The following GPC5 variants were observed in gnomAD, a reference collection of about 807,000 sequenced individuals.
The protein encoded by GPC5 is glypican 5.
A neutral mutation model predicts 53.9 loss-of-function variants in GPC5; 47 were observed. The ratio of observed to expected loss-of-function variants is 0.87; its 90% CI spans 0.69 to 1.11. The LOEUF is 1.11. GPC5 is among the 50% of genes most tolerant of loss of function. GPC5 has a pLI of 0.00. For missense variants in GPC5, 748 were observed against 713.1 expected, an observed-to-expected ratio of 1.05 and a Z score of -0.56; for synonymous variants, 286 against 263.3, an observed-to-expected ratio of 1.09 and a Z score of -0.84.
intron 5 of GPC5, among the ~76,000 whole-genome samples, chr13:91,816,755 G>T (rs894904987): frequency 6.6e-6 from 1 of 152,126 alleles, no homozygotes; most frequent in Non-Finnish European, 1.5e-5. Flanking sequence ...CATTTTTAAA[G>T]CTGTGAAGGA....
chr13:91,961,579 G>A (rs973692563), intron 6 of GPC5, among the ~76,000 whole-genome samples: 2 of 151,940 alleles, frequency 1.3e-5, no homozygotes, highest in Admixed American at 1.3e-4. Flanking sequence ...AATGTTTGCA[G>A]GAGTTAGGAA....
At chr13:92,730,600 A>G (rs943656639) in intron 7 of GPC5, among the ~76,000 whole-genome samples, 3 of 144,730 alleles carry the variant, frequency 2.1e-5, no homozygotes, top group African/African-American at 7.4e-5. Context: ...TTTTCTTTTT[A>G]TTTCTTTTTT....
At chr13:92,502,208 A>G (rs1170708132) in intron 7 of GPC5, among the ~76,000 whole-genome samples, 1 of 152,050 alleles carries the variant, frequency 6.6e-6, no homozygotes, top group Non-Finnish European at 1.5e-5. Context: ...CATGTCTGCA[A>G]ATTATACAGT....
chr13:92,577,159 T>A (rs1883212818), intron 7 of GPC5, among the ~76,000 whole-genome samples: 1 of 152,160 alleles, frequency 6.6e-6, no homozygotes, highest in South Asian at 2.1e-4. Context: ...CAAATCCACA[T>A]CCTATCTGCC....
At chr13:92,797,364 A>G (rs942454918) in intron 7 of GPC5, among the ~76,000 whole-genome samples, 1 of 151,800 alleles carries the variant, frequency 6.6e-6, no homozygotes, top group Non-Finnish European at 1.5e-5. Flanking sequence ...ATCCCCATTA[A>G]CCTGTTTCTT....
chr13:91,651,231 C>T (rs1300166110), intron 2 of GPC5, among the ~76,000 whole-genome samples: 3 of 134,118 alleles, frequency 2.2e-5, no homozygotes, highest in African/African-American at 1.1e-4. Flanking sequence ...ATTACAGACA[C>T]ATTTTTTTTT....
rs544012975 is a variant in GPC5 at position 92,516,157 on chromosome 13, A to G, written c.1562-350125A>G. 2.6e-5 allele frequency among the ~76,000 whole-genome samples: 4 copies of G among 151,984 alleles called. No individual in the cohort carries two copies. In the South Asian group the frequency reaches 8.3e-4, roughly 32 times the overall value. On this transcript the variant is annotated intron_variant, in intron 7 of 7. Transcript: ENST00000377067. The stretch of plus-strand genomic sequence containing the variant: ...AGTACCATTTTGTTAGGTACAGCTA[A>G]TTTTTTTTCTACTTTTAAATATACA...
intron 5 of GPC5, among the ~76,000 whole-genome samples, chr13:91,759,213 C>T (rs920061905): frequency 6.6e-6 from 1 of 152,006 alleles, no homozygotes; most frequent in Admixed American, 6.6e-5. Flanking sequence ...AGTCATGACT[C>T]AGTCAATTCT....
chr13:91,933,083 A>AT (rs1318189013), intron 6 of GPC5, among the ~76,000 whole-genome samples: 4 of 151,898 alleles, frequency 2.6e-5, no homozygotes, highest in Non-Finnish European at 4.4e-5. Context: ...GTTTAGAAGC[A>AT]TTTTTTCAGA....
Position 92,336,267 on chromosome 13 carries a change from AATAC to A in GPC5, c.1561+191282_1561+191285del, listed in dbSNP as rs566231900. Reference sequence around the variant, plus strand: ...TAGTATAACAATTTGATTTAAAGTAAATACATATTTTCTAATCAGTAACTTATAA... The same window carrying A: ...TAGTATAACAATTTGATTTAAAGTAAATATTTTCTAATCAGTAACTTATAA... On this transcript the variant is annotated intron_variant, in intron 7 of 7. Coordinates refer to ENST00000377067, the MANE Select transcript of GPC5 (RefSeq NM_004466.6). 2.5e-3 allele frequency among the ~76,000 whole-genome samples: 387 copies of A among 152,334 alleles called. 3 individuals are homozygous for A. Among genetic ancestry groups the A allele is most frequent in the Non-Finnish European group, 4.9e-3 (334 of 68,024 alleles).
intron 7 of GPC5, among the ~76,000 whole-genome samples, chr13:92,752,833 G>A (rs964858467): frequency 6.6e-6 from 1 of 152,174 alleles, no homozygotes; most frequent in South Asian, 2.1e-4. Context: ...TGGCTCGGAG[G>A]GACCTACGCC....
intron 1 of GPC5, among the ~76,000 whole-genome samples, chr13:91,444,078 A>G (rs980094602): frequency 3.9e-5 from 6 of 152,136 alleles, no homozygotes; most frequent in South Asian, 2.1e-4. Flanking sequence ...TGTTGTCACT[A>G]TCTTTCAAAT....
chr13:92,764,528 G>T (rs1875318346), intron 7 of GPC5, among the ~76,000 whole-genome samples: 2 of 152,178 alleles, frequency 1.3e-5, no homozygotes, highest in Non-Finnish European at 2.9e-5. Flanking sequence ...AGGACTGTAG[G>T]TGTCCAAGGT....
chr13:91,583,258 A>G (rs1256904426), intron 2 of GPC5, among the ~76,000 whole-genome samples: 2 of 152,192 alleles, frequency 1.3e-5, no homozygotes, highest in Non-Finnish European at 2.9e-5. Flanking sequence ...GTTGGAAAGG[A>G]ACAAACAAAA....
intron 7 of GPC5, among the ~76,000 whole-genome samples, chr13:92,464,828 T>C (rs1878628198): frequency 6.6e-6 from 1 of 151,876 alleles, no homozygotes; most frequent in Non-Finnish European, 1.5e-5. Context: ...TCAACATTAT[T>C]AGAGGAACTT....
chr13:92,663,237 T>C (rs1457751014), intron 7 of GPC5, among the ~76,000 whole-genome samples: 1 of 152,034 alleles, frequency 6.6e-6, no homozygotes, highest in Non-Finnish European at 1.5e-5. Context: ...AAACTAGTTA[T>C]AACAAATAGT....
chr13:92,752,539 G>A (rs937812697), intron 7 of GPC5, among the ~76,000 whole-genome samples: 4 of 152,124 alleles, frequency 2.6e-5, no homozygotes, highest in Admixed American at 1.3e-4. Context: ...CGTGAGCGAC[G>A]CAGAAGACGG....
chr13:92,477,089 TAAAC>T (rs1879180214), intron 7 of GPC5, among the ~76,000 whole-genome samples: 2 of 151,360 alleles, frequency 1.3e-5, no homozygotes, highest in African/African-American at 4.9e-5. Context: ...AAAAAGAAAA[TAAAC>T]AGTTGAAGAT....
At chr13:91,897,377 G>C (rs535064819) in intron 5 of GPC5, among the ~76,000 whole-genome samples, 1 of 151,372 alleles carries the variant, frequency 6.6e-6, no homozygotes, top group East Asian at 1.9e-4. Flanking sequence ...GTGCGCCTGT[G>C]CATGTGTATG....
Sources: allele counts gnomAD v4.1 joint callset (sites outside exome capture counted in the v4.1 genomes callset), GRCh38; gene constraint gnomAD v4.1.1; transcripts MANE v1.5; gene names NCBI Gene and HGNC (gene_info 2026-07-23, HGNC 2026-07-21).